Variants in EGFLAM observed in about 807,000 individuals in gnomAD.
The protein encoded by EGFLAM is pikachurin.
EGFLAM carries 79 observed loss-of-function variants against 113.1 expected under a neutral mutation model. That is an observed-to-expected ratio of 0.70 (90% CI 0.58 to 0.84). The LOEUF (loss-of-function observed/expected upper bound fraction) is 0.84. Ranked by LOEUF, EGFLAM falls within the 40% of genes least tolerant of loss-of-function variation. The pLI is 0.00. For missense variants in EGFLAM, 1,265 were observed against 1,291.6 expected, an observed-to-expected ratio of 0.98 and a Z score of 0.32; for synonymous variants, 504 against 487.6, an observed-to-expected ratio of 1.03 and a Z score of -0.44.
intron 21 of EGFLAM, 99 bp downstream of exon 21, chr5:38,463,110 T>C: frequency 8.7e-7 from 1 of 1,152,606 alleles, no homozygotes; most frequent in Non-Finnish European, 1.2e-6. Context: ...CTGGATCAAA[T>C]ACCTGTAAAT....
chr5:38,418,212 G>C lies in EGFLAM; in HGVS notation c.1641G>C (p.Met547Ile). ...SLAVNGRRID[M>I]RPWPLGKALS... ...CTGTGAATGGGAGGAGAATTGACATGAGGCCCTGGCCCCTGGGAAAAGCAC... is the reference window on the plus strand; with the variant it reads ...CTGTGAATGGGAGGAGAATTGACATCAGGCCCTGGCCCCTGGGAAAAGCAC... Residue 547 changes from methionine to isoleucine, a missense_variant, in exon 12 of 22, where the codon ATG (methionine) becomes ATC (isoleucine). By Grantham distance (10) the Met-to-Ile change is conservative (BLOSUM62 1). Transcript: ENST00000322350. 1 of 1,614,086 alleles carries C rather than the reference G, an allele frequency of 6.2e-7. No homozygotes were observed.
intron 1 of EGFLAM, among the ~76,000 whole-genome samples, chr5:38,324,336 A>G (rs1579772890): frequency 6.6e-6 from 1 of 152,132 alleles, no homozygotes; most frequent in East Asian, 1.9e-4. Context: ...TCTCTAGCCC[A>G]TAGGCGGTCC....
chr5:38,422,244 C>G (rs142404874), intron 12 of EGFLAM, among the ~76,000 whole-genome samples: 1 of 152,166 alleles, frequency 6.6e-6, no homozygotes, highest in Non-Finnish European at 1.5e-5. Context: ...ATGGTAGGCG[C>G]TGGTGAAAGT....
rs1739592360 is a variant in EGFLAM, at chr5:38,350,502, AG to A, written c.295del (p.Glu99LysfsTer2). 3 of 1,613,560 alleles carry A rather than the reference AG, an allele frequency of 1.9e-6. No homozygotes were observed. The highest frequency in any genetic ancestry group is 1.7e-5 in the Admixed American group (1 of 59,936). ...TCTTTCTTGTTTGGTCATTGACAGGAGGAAGTGATTGGAGATTTGAAACCAG... is the reference window on the plus strand; with the variant it reads ...TCTTTCTTGTTTGGTCATTGACAGGAGAAGTGATTGGAGATTTGAAACCAG... ...VPLSRDIPTT[E>X]EVIGDLKPGT... On this transcript the variant is annotated frameshift_variant and splice_region_variant, in exon 4 of 22. Transcript: ENST00000322350. LOFTEE classifies it high-confidence loss of function.
chr5:38,404,226 GT>G (rs1319500555), intron 6 of EGFLAM, among the ~76,000 whole-genome samples: 1 of 152,186 alleles, frequency 6.6e-6, no homozygotes, highest in Non-Finnish European at 1.5e-5. Context: ...TGGTCGGAAT[GT>G]TTATGTCTCC....
chr5:38,266,408 A>T (rs1278977547), intron 1 of EGFLAM, among the ~76,000 whole-genome samples: 1 of 152,236 alleles, frequency 6.6e-6, no homozygotes, highest in Non-Finnish European at 1.5e-5. Context: ...CAATACAGTA[A>T]TGCATGTAGC....
intron 3 of EGFLAM, chr5:38,345,390 G>C (rs1298233323): frequency 6.6e-6 from 1 of 152,240 alleles, no homozygotes. Flanking sequence ...AAGAAGGCAA[G>C]AGTCCTGAAA....
intron 1 of EGFLAM, among the ~76,000 whole-genome samples, chr5:38,274,821 A>T (rs1340574029): frequency 6.6e-6 from 1 of 152,234 alleles, no homozygotes; most frequent in Non-Finnish European, 1.5e-5. Flanking sequence ...TAATACTGTA[A>T]GGTGGTGTAT....
chr5:38,349,748 C>G (rs1005672110), intron 3 of EGFLAM, among the ~76,000 whole-genome samples: 2 of 149,688 alleles, frequency 1.3e-5, no homozygotes, highest in Admixed American at 1.3e-4. Flanking sequence ...CTGCTCAGGG[C>G]CCTTTGTGCA....
At chr5:38,337,734 GC>G in intron 2 of EGFLAM, 105 bp downstream of exon 2, 1 of 906,882 alleles carries the variant, frequency 1.1e-6, no homozygotes, top group Non-Finnish European at 1.7e-6. Context: ...ATCAATAACT[GC>G]CCCATTCTCC....
intron 19 of EGFLAM, among the ~76,000 whole-genome samples, chr5:38,455,512 T>C (rs947268115): frequency 2.0e-5 from 3 of 152,186 alleles, no homozygotes; most frequent in African/African-American, 7.2e-5. Context: ...ATATAGAACA[T>C]GTCCACCACC....
intron 6 of EGFLAM, among the ~76,000 whole-genome samples, chr5:38,389,818 A>G (rs1053770616): frequency 1.3e-5 from 2 of 152,240 alleles, no homozygotes; most frequent in African/African-American, 2.4e-5. Context: ...TATCTCTTTG[A>G]CATTTTACTT....
intron 6 of EGFLAM, among the ~76,000 whole-genome samples, chr5:38,394,816 T>C (rs1362851585): frequency 6.6e-6 from 1 of 152,094 alleles, no homozygotes; most frequent in Non-Finnish European, 1.5e-5. Flanking sequence ...TCCTTCTTTT[T>C]CTTGAAATAT....
intron 1 of EGFLAM, among the ~76,000 whole-genome samples, chr5:38,304,937 G>T (rs1396120740): frequency 6.6e-6 from 1 of 152,004 alleles, no homozygotes; most frequent in Non-Finnish European, 1.5e-5. Flanking sequence ...AAAGAGCCTT[G>T]GGATTTTAAT....
intron 1 of EGFLAM, among the ~76,000 whole-genome samples, chr5:38,297,943 T>G (rs1758485099): frequency 6.6e-6 from 1 of 152,204 alleles, no homozygotes; most frequent in South Asian, 2.1e-4. Flanking sequence ...ATTACTGTCG[T>G]AAGGACAATG....
At chr5:38,390,769 T>C (rs1485599879) in intron 6 of EGFLAM, among the ~76,000 whole-genome samples, 1 of 152,184 alleles carries the variant, frequency 6.6e-6, no homozygotes, top group African/African-American at 2.4e-5. Flanking sequence ...ATAATCTTAT[T>C]AGTCATCCTA....
chr5:38,462,093 CG>C (rs1256762571), intron 20 of EGFLAM, among the ~76,000 whole-genome samples: 1 of 151,974 alleles, frequency 6.6e-6, no homozygotes, highest in Non-Finnish European at 1.5e-5. Flanking sequence ...GCGTGAACCC[CG>C]GGGGGCGGAG....
At chr5:38,420,828 C>G (rs567296879) in intron 12 of EGFLAM, among the ~76,000 whole-genome samples, 2 of 152,260 alleles carry the variant, frequency 1.3e-5, no homozygotes, top group East Asian at 3.9e-4. Flanking sequence ...ACCCACTTTT[C>G]CAGCAGGTGG....
At chr5:38,378,140 A>G (rs1052493603) in intron 6 of EGFLAM, among the ~76,000 whole-genome samples, 1 of 152,184 alleles carries the variant, frequency 6.6e-6, no homozygotes, top group African/African-American at 2.4e-5. Context: ...CTCTGGCTCA[A>G]ATCAGATTTC....
Sources: gnomAD v4.1 joint callset for allele counts (sites outside exome capture counted in the v4.1 genomes callset) on GRCh38, gnomAD v4.1.1 for gene constraint, MANE v1.5 for transcripts, NCBI Gene and HGNC (gene_info 2026-07-23, HGNC 2026-07-21) for gene names.